ABCA13: variants seen among roughly 807,000 people sequenced by gnomAD.
ABCA13 encodes ATP binding cassette subfamily A member 13.
In ABCA13, 476 loss-of-function variants were observed where a neutral mutation model predicts 478.7. The ratio of observed to expected loss-of-function variants is 0.99; its 90% CI spans 0.92 to 1.07. The LOEUF (loss-of-function observed/expected upper bound fraction) is 1.07, where lower values mean the gene tolerates loss of function less well. ABCA13 is among the 50% of genes least tolerant of loss of function. ABCA13 has a pLI of 0.00. For synonymous variants in ABCA13, 2,252 were observed against 2,158.9 expected (o/e 1.04, Z -1.20); for missense variants, 6,060 against 5,910.6 (o/e 1.03, Z -0.83).
At chr7:48,362,244 T>A (rs936647099) in intron 31 of ABCA13, among the ~76,000 whole-genome samples, 1 of 150,394 alleles carries the variant, frequency 6.6e-6, no homozygotes, top group Admixed American at 6.6e-5. Flanking sequence ...TGTCCTTCTC[T>A]CTTTTTCCTG....
chr7:48,276,305 C>A lies in ABCA13; in HGVS notation c.6639C>A (p.Ile2213=). The A allele has an allele frequency of 1.3e-6, 2 of 1,555,720 alleles. No homozygotes were observed. The highest frequency in any genetic ancestry group is 1.4e-5 in the African/African-American group (1 of 73,350). ...TTGAAAACATCCTAATTAATTTGATCAATAACTTAGCTGGGAATTCTCAGG... is the reference window on the plus strand; with the variant it reads ...TTGAAAACATCCTAATTAATTTGATAAATAACTTAGCTGGGAATTCTCAGG... ...LLFENILINL[I]NNLAGNSQEA... Residue 2213 remains isoleucine (I), a synonymous_variant, in exon 17 of 62, where the codon ATC becomes ATA. Coordinates refer to ENST00000435803, the MANE Select transcript of ABCA13 (RefSeq NM_152701.5).
chr7:48,270,764 G>A (rs1394075850), intron 16 of ABCA13, among the ~76,000 whole-genome samples: 1 of 152,130 alleles, frequency 6.6e-6, no homozygotes, highest in African/African-American at 2.4e-5. Flanking sequence ...CAGACAGTGT[G>A]TTATACAACA....
In ABCA13 at chr7:48,587,153, G is replaced by A; in HGVS notation, c.14506-1G>A. 3 of 1,613,142 alleles carry A rather than the reference G, an allele frequency of 1.9e-6. No homozygotes were observed. Among genetic ancestry groups the A allele is most frequent in the African/African-American group, 1.3e-5 (1 of 75,038 alleles). ...TGCACATGGACATGCCTCTCTTCCA[G>A]GTTGCTGGAGACCTCATCAGGCGCT... On this transcript the variant is annotated splice_acceptor_variant, in intron 56 of 61. Coordinates refer to ENST00000435803, the MANE Select transcript of ABCA13 (RefSeq NM_152701.5). LOFTEE classifies it high-confidence loss of function.
At chr7:48,233,941 AT>A (rs142442445) in intron 7 of ABCA13, 76 bp from the exon 8 acceptor site, 52 of 1,523,318 alleles carry the variant, frequency 3.4e-5, no homozygotes, top group Middle Eastern at 1.7e-4. Flanking sequence ...GAAAAAAGGT[AT>A]TTTTTTTCTG....
intron 3 of ABCA13, among the ~76,000 whole-genome samples, chr7:48,211,055 A>G (rs937841918): frequency 1.2e-4 from 18 of 152,154 alleles, no homozygotes; most frequent in African/African-American, 4.1e-4. Context: ...TATTATATTT[A>G]TATTACATTT....
chr7:48,413,110 C>T (rs191050983), intron 41 of ABCA13, among the ~76,000 whole-genome samples: 1 of 152,202 alleles, frequency 6.6e-6, no homozygotes, highest in African/African-American at 2.4e-5. Flanking sequence ...TGCACCCGGC[C>T]TCTTTTAGCA....
At chr7:48,644,412 C>T (rs1454388527) in intron 60 of ABCA13, among the ~76,000 whole-genome samples, 1 of 152,172 alleles carries the variant, frequency 6.6e-6, no homozygotes, top group African/African-American at 2.4e-5. Context: ...GGGGGCAGAA[C>T]AGCAATGCCA....
rs1808692006 is a variant in ABCA13, at chr7:48,349,908, C to G, written c.10205-735C>G. Among the ~76,000 whole-genome samples the G allele has an allele frequency of 2.0e-5, 3 of 152,238 alleles. No individual in the cohort carries two copies. The South Asian group carries it at 6.2e-4, about 32-fold the overall frequency. ...TAGACTGTTGTCTGTCACCATACAT[C>G]TTTCCTGCTGCTTTCCCTCTGGAGG... On this transcript the variant is annotated intron_variant, in intron 29 of 61. Coordinates refer to ENST00000435803, the MANE Select transcript of ABCA13 (RefSeq NM_152701.5).
chr7:48,335,570 A>T, intron 28 of ABCA13, 35 bp downstream of exon 28: 1 of 1,551,730 alleles, frequency 6.4e-7, no homozygotes, highest in Non-Finnish European at 8.9e-7. Context: ...AGGGATGGGG[A>T]GCTACTGCTA....
At chr7:48,530,734 AT>A (rs2131048383) in intron 55 of ABCA13, among the ~76,000 whole-genome samples, 1 of 152,222 alleles carries the variant, frequency 6.6e-6, no homozygotes, top group East Asian at 1.9e-4. Context: ...TTCCCTGATC[AT>A]TAGTGATGTT....
At chr7:48,294,516 G>A (rs1584691664) in intron 20 of ABCA13, among the ~76,000 whole-genome samples, 1 of 147,854 alleles carries the variant, frequency 6.8e-6, no homozygotes, top group South Asian at 2.1e-4. Context: ...GCGCAATCTC[G>A]GCTCACTGCA....
chr7:48,450,257 A>G (rs901470194), intron 42 of ABCA13, among the ~76,000 whole-genome samples: 2 of 152,240 alleles, frequency 1.3e-5, no homozygotes, highest in African/African-American at 4.8e-5. Flanking sequence ...CTCACTGAAC[A>G]GAGAATTTTA....
At position 48,390,353 on chromosome 7, in the gene ABCA13, A is replaced by AC. The variant is rs562354458; in HGVS notation, c.11654+1134dup. Among the ~76,000 whole-genome samples, 48 of 152,330 alleles carry AC rather than the reference A, an allele frequency of 3.2e-4. 1 individual carries two copies. The highest frequency in any genetic ancestry group is 8.3e-4 in the South Asian group (4 of 4,828). The stretch of plus-strand genomic sequence containing the variant: ...TGAAAGGCTGAGAGGTCAGTCAAAG[A>AC]CGGGGGGGTCTTCACTATTTAAAAC... On this transcript the variant is annotated intron_variant, in intron 37 of 61. Coordinates refer to ENST00000435803, the MANE Select transcript of ABCA13 (RefSeq NM_152701.5).
chr7:48,423,018 C>T (rs1166072237), intron 41 of ABCA13, among the ~76,000 whole-genome samples: 1 of 152,180 alleles, frequency 6.6e-6, no homozygotes, highest in Non-Finnish European at 1.5e-5. Flanking sequence ...ACCCCCAGAA[C>T]TGTAAGATAC....
intron 47 of ABCA13, among the ~76,000 whole-genome samples, chr7:48,486,589 T>C (rs1829325558): frequency 1.3e-5 from 2 of 152,212 alleles, no homozygotes; most frequent in Non-Finnish European, 1.5e-5. Context: ...TTTCGGTTTT[T>C]GGTACAGTAA....
chr7:48,644,048 T>C (rs1347424114), intron 60 of ABCA13, among the ~76,000 whole-genome samples: 1 of 152,218 alleles, frequency 6.6e-6, no homozygotes, highest in African/African-American at 2.4e-5. Context: ...AAAGTAGTTA[T>C]GTTCTATTTA....
At chr7:48,172,631 T>TA (rs970571226) in intron 1 of ABCA13, among the ~76,000 whole-genome samples, 8 of 150,978 alleles carry the variant, frequency 5.3e-5, no homozygotes, top group Middle Eastern at 6.8e-3. Context: ...CCGTCTCTAC[T>TA]AAAAAAACAC....
At chr7:48,207,106 C>T (rs1176988458) in intron 3 of ABCA13, among the ~76,000 whole-genome samples, 2 of 152,116 alleles carry the variant, frequency 1.3e-5, no homozygotes, top group Admixed American at 6.5e-5. Flanking sequence ...TAACATAATG[C>T]CTTCCAGTTG....
At chr7:48,259,180 A>G (rs1562898402) in intron 15 of ABCA13, among the ~76,000 whole-genome samples, 2 of 151,424 alleles carry the variant, frequency 1.3e-5, no homozygotes. Context: ...TTCTGTCTTG[A>G]TCTAATATTG....
Sources: gnomAD v4.1 joint callset for allele counts (sites outside exome capture counted in the v4.1 genomes callset) on GRCh38, gnomAD v4.1.1 for gene constraint, MANE v1.5 for transcripts, NCBI Gene and HGNC (gene_info 2026-07-23, HGNC 2026-07-21) for gene names.